Variants in FAM171A1 observed in about 807,000 individuals in gnomAD.
FAM171A1 encodes family with sequence similarity 171 member A1.
FAM171A1 carries 23 observed loss-of-function variants against 74.9 expected under a neutral mutation model. That is an observed-to-expected ratio of 0.31 (90% CI 0.22 to 0.44). The LOEUF (loss-of-function observed/expected upper bound fraction) is 0.44. FAM171A1 is among the 20% of genes least tolerant of loss of function. The pLI is 1.00. For missense variants in FAM171A1, 1,162 were observed against 1,159.2 expected (o/e 1.00, Z -0.03); for synonymous variants, 527 against 505.7 (o/e 1.04, Z -0.57).
At position 15,357,257 on chromosome 10, in the gene FAM171A1, T is replaced by A. The variant is rs1049294592; in HGVS notation, c.97+13699A>T. Reference sequence around the variant, plus strand: ...GAGACCACACCATTGCACTCCAGCCTGGGTGACAGAGCGAGACTCCGTCTC... The same window carrying A: ...GAGACCACACCATTGCACTCCAGCCAGGGTGACAGAGCGAGACTCCGTCTC... On this transcript the variant is annotated intron_variant, in intron 1 of 7. Coordinates refer to ENST00000378116, the MANE Select transcript of FAM171A1 (RefSeq NM_001010924.2). 3.9e-5 allele frequency among the ~76,000 whole-genome samples: 6 copies of A among 152,306 alleles called. No individual in the cohort carries two copies. In the East Asian group the frequency reaches 1.2e-3, roughly 29 times the overall value.
chr10:15,289,052 C>T (rs1460077362), intron 1 of FAM171A1, among the ~76,000 whole-genome samples: 1 of 152,064 alleles, frequency 6.6e-6, no homozygotes, highest in Admixed American at 6.5e-5. Context: ...AAACTCCTGA[C>T]CTCAGGTGAT....
intron 2 of FAM171A1, 89 bp from the exon 3 acceptor site, chr10:15,276,036 A>G: frequency 1.2e-6 from 1 of 824,002 alleles, no homozygotes; most frequent in Non-Finnish European, 1.9e-6. Flanking sequence ...CAGTTTTTGT[A>G]TTTTCTGATT....
At chr10:15,229,956 A>ACCATCATCACCATT (rs1834183813) in intron 5 of FAM171A1, among the ~76,000 whole-genome samples, 10 of 151,952 alleles carry the variant, frequency 6.6e-5, no homozygotes, top group African/African-American at 1.2e-4. Context: ...CATCACCATC[A>ACCATCATCACCATT]GGCGTTTCCA....
At chr10:15,360,756 T>G (rs746790478) in intron 1 of FAM171A1, among the ~76,000 whole-genome samples, 36 of 152,232 alleles carry the variant, frequency 2.4e-4, no homozygotes, top group Non-Finnish European at 7.3e-5. Flanking sequence ...CATCTGAGTA[T>G]AGTCAGATCA....
intron 1 of FAM171A1, among the ~76,000 whole-genome samples, chr10:15,313,707 T>C (rs1268243690): frequency 6.6e-6 from 1 of 152,074 alleles, no homozygotes; most frequent in African/African-American, 2.4e-5. Flanking sequence ...TACATAAACA[T>C]CCCGAGGGTG....
At chr10:15,322,256 A>G (rs1835495706) in intron 1 of FAM171A1, among the ~76,000 whole-genome samples, 1 of 152,198 alleles carries the variant, frequency 6.6e-6, no homozygotes, top group Non-Finnish European at 1.5e-5. Flanking sequence ...ATACAGCTGG[A>G]GGGGCCGTCG....
intron 5 of FAM171A1, among the ~76,000 whole-genome samples, chr10:15,234,897 C>T (rs920204163): frequency 2.0e-5 from 3 of 152,064 alleles, no homozygotes; most frequent in South Asian, 2.1e-4. Flanking sequence ...CTCCTGACCT[C>T]GTGATCCGCC....
At chr10:15,372,258 G>A (rs951095215), upstream of FAM171A1, among the ~76,000 whole-genome samples, 1 of 152,158 alleles carries the variant, frequency 6.6e-6, no homozygotes, top group African/African-American at 2.4e-5. Flanking sequence ...GAGGTAGTTA[G>A]CATTATCCCC....
intron 1 of FAM171A1, among the ~76,000 whole-genome samples, chr10:15,351,317 C>T (rs1835873995): frequency 6.6e-6 from 1 of 152,046 alleles, no homozygotes; most frequent in East Asian, 1.9e-4. Flanking sequence ...TGCGTAAGCC[C>T]CCAAGAGAGA....
intron 1 of FAM171A1, among the ~76,000 whole-genome samples, chr10:15,338,079 C>T (rs1057344784): frequency 6.6e-5 from 10 of 152,148 alleles, no homozygotes; most frequent in African/African-American, 9.7e-5. Context: ...CCCAATTAAA[C>T]GCCTTTCACT....
At chr10:15,250,819 T>C (rs889127155) in intron 4 of FAM171A1, among the ~76,000 whole-genome samples, 5 of 152,184 alleles carry the variant, frequency 3.3e-5, no homozygotes, top group Non-Finnish European at 7.4e-5. Flanking sequence ...TACTAGACTG[T>C]ATAAACAACT....
intron 1 of FAM171A1, among the ~76,000 whole-genome samples, chr10:15,348,638 CA>C (rs1835843610): frequency 2.0e-5 from 3 of 152,188 alleles, no homozygotes; most frequent in Non-Finnish European, 4.4e-5. Context: ...TGTGGTCCTC[CA>C]ACCAGCAGCA....
intron 7 of FAM171A1, among the ~76,000 whole-genome samples, chr10:15,214,928 T>C (rs1833948945): frequency 6.6e-6 from 1 of 151,998 alleles, no homozygotes; most frequent in Non-Finnish European, 1.5e-5. Flanking sequence ...GCCCAGCTAA[T>C]TTTTGACTTT....
chr10:15,360,648 G>A (rs941531998), intron 1 of FAM171A1, among the ~76,000 whole-genome samples: 1 of 152,246 alleles, frequency 6.6e-6, no homozygotes, highest in African/African-American at 2.4e-5. Flanking sequence ...TCATGAATGG[G>A]TAACAGTTAT....
At chr10:15,258,141 A>G (rs1308546089) in intron 3 of FAM171A1, among the ~76,000 whole-genome samples, 2 of 151,682 alleles carry the variant, frequency 1.3e-5, no homozygotes, top group Admixed American at 1.3e-4. Flanking sequence ...GCTTACTGCA[A>G]CCTCTGCCTC....
intron 2 of FAM171A1, among the ~76,000 whole-genome samples, chr10:15,283,499 G>C (rs533636355): frequency 1.4e-4 from 21 of 152,182 alleles, no homozygotes; most frequent in Admixed American, 2.6e-4. Flanking sequence ...TCTGGTGGAG[G>C]GGGAGAGGCG....
chr10:15,346,835 A>G (rs1158594178), intron 1 of FAM171A1, among the ~76,000 whole-genome samples: 2 of 152,232 alleles, frequency 1.3e-5, no homozygotes, highest in Non-Finnish European at 2.9e-5. Flanking sequence ...AGATTCTGCA[A>G]GCAGCTGAGA....
intron 1 of FAM171A1, among the ~76,000 whole-genome samples, chr10:15,353,011 A>G (rs1835896614): frequency 6.6e-6 from 1 of 152,226 alleles, no homozygotes; most frequent in South Asian, 2.1e-4. Context: ...GCCGCATTTT[A>G]AAAGGGCGCT....
upstream of FAM171A1, among the ~76,000 whole-genome samples, chr10:15,374,440 G>A (rs1364470231): frequency 1.3e-5 from 2 of 152,220 alleles, no homozygotes; most frequent in African/African-American, 4.8e-5. Flanking sequence ...TGCATATCAT[G>A]TAGCCAGAAT....
Sources: gnomAD v4.1 joint callset for allele counts (sites outside exome capture counted in the v4.1 genomes callset) on GRCh38, gnomAD v4.1.1 for gene constraint, MANE v1.5 for transcripts, NCBI Gene and HGNC (gene_info 2026-07-23, HGNC 2026-07-21) for gene names.